Variants in MTSS1 observed in about 807,000 individuals in gnomAD.
MTSS1 encodes protein MTSS 1.
A neutral mutation model predicts 79.0 loss-of-function variants in MTSS1; 18 were observed. The observed-to-expected ratio is 0.23, with a 90% confidence interval of 0.16 to 0.34. The LOEUF (loss-of-function observed/expected upper bound fraction) is 0.34, where lower values mean the gene tolerates loss of function less well. MTSS1 is among the 10% of genes least tolerant of loss of function. The pLI, the probability that MTSS1 is intolerant of heterozygous loss-of-function variation, is 1.00. For missense variants in MTSS1, 815 were observed against 986.2 expected (o/e 0.83, Z 2.33); for synonymous variants, 341 against 368.6 (o/e 0.93, Z 0.86).
chr8:124,681,326 T>C (rs953217586), intron 3 of MTSS1, among the ~76,000 whole-genome samples: 2 of 152,206 alleles, frequency 1.3e-5, no homozygotes, highest in African/African-American at 4.8e-5. Context: ...GAAGGAGCTA[T>C]TTCAAGCAGC....
intron 3 of MTSS1, among the ~76,000 whole-genome samples, chr8:124,638,636 T>C (rs114315967): frequency 5.3e-5 from 8 of 152,240 alleles, no homozygotes; most frequent in African/African-American, 9.6e-5. Flanking sequence ...CCCCGGAGAA[T>C]AGAAATGGGC....
chr8:124,668,855 G>A (rs931441588), intron 3 of MTSS1, among the ~76,000 whole-genome samples: 1 of 152,158 alleles, frequency 6.6e-6, no homozygotes, highest in Non-Finnish European at 1.5e-5. Flanking sequence ...TTCCCGTGAA[G>A]TGCAAACCAC....
chr8:124,726,881 T>C (rs925634125), intron 1 of MTSS1, among the ~76,000 whole-genome samples: 2 of 152,154 alleles, frequency 1.3e-5, no homozygotes, highest in African/African-American at 2.4e-5. Flanking sequence ...AGAAGCTCCC[T>C]AAATACACAT....
At chr8:124,598,849 T>A (rs2132908619) in intron 3 of MTSS1, among the ~76,000 whole-genome samples, 1 of 152,304 alleles carries the variant, frequency 6.6e-6, no homozygotes, top group South Asian at 2.1e-4. Context: ...CCTGAGGAGC[T>A]GCATCAGCAG....
rs527641369 is a variant in MTSS1 at position 124,691,200 on chromosome 8, C to T, written c.208+8326G>A. On this transcript the variant is annotated intron_variant, in intron 3 of 13. Coordinates refer to ENST00000518547, the MANE Select transcript of MTSS1 (RefSeq NM_014751.6). Reference sequence around the variant, plus strand: ...CCAAAATGATGAGACCAAAAGCAGACTGTACATTTACAAACCCATTTAAAA... The same window carrying T: ...CCAAAATGATGAGACCAAAAGCAGATTGTACATTTACAAACCCATTTAAAA... Among the ~76,000 whole-genome samples the T allele has an allele frequency of 1.7e-4, 26 of 151,428 alleles. No individual in the cohort carries two copies. The South Asian group carries it at 5.5e-3, about 32-fold the overall frequency.
intron 3 of MTSS1, among the ~76,000 whole-genome samples, chr8:124,636,784 A>T (rs556446496): frequency 6.6e-6 from 1 of 152,170 alleles, no homozygotes; most frequent in Non-Finnish European, 1.5e-5. Context: ...ACCACTTTAC[A>T]TTTGGCACAA....
intron 3 of MTSS1, among the ~76,000 whole-genome samples, chr8:124,690,585 A>G (rs1045372066): frequency 2.0e-5 from 3 of 152,264 alleles, no homozygotes; most frequent in East Asian, 3.8e-4. Flanking sequence ...GTTGACCACA[A>G]TGAACAATTC....
chr8:124,709,112 G>C (rs1830787872), intron 1 of MTSS1, among the ~76,000 whole-genome samples: 1 of 152,138 alleles, frequency 6.6e-6, no homozygotes, highest in African/African-American at 2.4e-5. Context: ...AAGGTAACTA[G>C]AAAGATTGAA....
chr8:124,723,907 T>C (rs1372514497), intron 1 of MTSS1, among the ~76,000 whole-genome samples: 1 of 152,156 alleles, frequency 6.6e-6, no homozygotes, highest in Non-Finnish European at 1.5e-5. Flanking sequence ...AGAAAACTTT[T>C]TTTTTGAGGC....
intron 3 of MTSS1, among the ~76,000 whole-genome samples, chr8:124,686,674 A>G (rs968283016): frequency 1.3e-5 from 2 of 152,130 alleles, no homozygotes; most frequent in African/African-American, 4.8e-5. Context: ...GGTTTTCACA[A>G]CTGAGAGGGT....
chr8:124,656,574 C>T (rs1370768969), intron 3 of MTSS1, among the ~76,000 whole-genome samples: 2 of 151,158 alleles, frequency 1.3e-5, no homozygotes. Flanking sequence ...GAGTTCAAGA[C>T]CAGCCTGGCC....
At chr8:124,688,344 G>GT in intron 3 of MTSS1, among the ~76,000 whole-genome samples, 1 of 120,212 alleles carries the variant, frequency 8.3e-6, no homozygotes, top group Admixed American at 8.8e-5. Context: ...GTGTGTATGT[G>GT]TGTTGTGTGT....
At chr8:124,556,651 AC>A (rs750729343) in intron 11 of MTSS1, 115 of 513,066 alleles carry the variant, frequency 2.2e-4, no homozygotes, top group Non-Finnish European at 2.7e-4. Context: ...ACCCTCACCC[AC>A]CAGGTGGCAG....
At chr8:124,618,363 T>C (rs2133463526) in intron 3 of MTSS1, among the ~76,000 whole-genome samples, 1 of 152,326 alleles carries the variant, frequency 6.6e-6, no homozygotes, top group East Asian at 1.9e-4. Context: ...TTTCACAACA[T>C]TTCTGGCCTT....
chr8:124,727,170 C>A lies in MTSS1; in HGVS notation c.72+714G>T, dbSNP rs746376317. Among the ~76,000 whole-genome samples, 34 of 152,116 alleles carry A rather than the reference C, an allele frequency of 2.2e-4. No homozygotes were observed. Among genetic ancestry groups the A allele is most frequent in the Non-Finnish European group, 4.4e-4 (30 of 68,002 alleles). On this transcript the variant is annotated intron_variant, in intron 1 of 13. Coordinates refer to ENST00000518547, the MANE Select transcript of MTSS1 (RefSeq NM_014751.6). This position sits in a 1 kb window ranked among gnomAD's most constrained non-coding sequence, Gnocchi z 4.7. ...CAAGAGAAAACCTAGAGTGTGTGTC[C>A]GTTTGGGTCTGGGAGGGCAGGATAC...
chr8:124,668,204 C>T (rs1823479394), intron 3 of MTSS1, among the ~76,000 whole-genome samples: 1 of 152,212 alleles, frequency 6.6e-6, no homozygotes, highest in South Asian at 2.1e-4. Context: ...CACGTGTGGG[C>T]TGTAGGAAGG....
chr8:124,647,415 T>C (rs2134105373), intron 3 of MTSS1, among the ~76,000 whole-genome samples: 1 of 152,336 alleles, frequency 6.6e-6, no homozygotes, highest in South Asian at 2.1e-4. Flanking sequence ...GATGAATGTA[T>C]ATGTTGTAAA....
intron 1 of MTSS1, among the ~76,000 whole-genome samples, chr8:124,723,033 A>G (rs893497443): frequency 6.6e-6 from 1 of 152,226 alleles, no homozygotes; most frequent in African/African-American, 2.4e-5. Context: ...GCATTTTAAC[A>G]GCCTTAAGTA....
chr8:124,655,491 G>C (rs1746591833), intron 3 of MTSS1, among the ~76,000 whole-genome samples: 1 of 152,186 alleles, frequency 6.6e-6, no homozygotes, highest in Non-Finnish European at 1.5e-5. Flanking sequence ...ACACAGGTGA[G>C]AGTGATCAGA....
Sources: allele counts gnomAD v4.1 joint callset (sites outside exome capture counted in the v4.1 genomes callset), GRCh38; gene constraint gnomAD v4.1.1; non-coding constraint Gnocchi (gnomAD v3.1); transcripts MANE v1.5; gene names NCBI Gene and HGNC (gene_info 2026-07-23, HGNC 2026-07-21).